Variants in PRDM2 observed in about 807,000 individuals in gnomAD.
PRDM2 encodes PR/SET domain 2.
Under a neutral mutation model 130.0 loss-of-function variants are expected in PRDM2, and 30 were observed. The observed-to-expected ratio is 0.23, with a 90% CI of 0.17 to 0.31. PRDM2 has a LOEUF of 0.31. PRDM2 is among the 10% of genes least tolerant of loss of function. The pLI, the probability that PRDM2 is intolerant of heterozygous loss-of-function variation, is 1.00. For synonymous variants in PRDM2, 871 were observed against 782.4 expected (o/e 1.11, Z -1.89); for missense variants, 2,011 against 2,108.4 (o/e 0.95, Z 0.90).
At position 13,823,211 on chromosome 1, in the gene PRDM2, G is replaced by A. The variant is rs1436006530; in HGVS notation, c.*76G>A. 5.0e-6 allele frequency: 8 copies of A among 1,612,060 alleles called. No individual in the cohort carries two copies. Among genetic ancestry groups the A allele is most frequent in the South Asian group, 2.2e-5 (2 of 90,932 alleles). ...GCCAAAGGGACTGGCAGTCTGCCCT[G>A]CAGGGAGTACCGACCTATCCCAGTT... On this transcript the variant is annotated 3_prime_UTR_variant, in exon 10 of 10. Transcript: ENST00000311066.
chr1:13,715,692 C>T (rs1642510622), intron 2 of PRDM2, 78 bp downstream of exon 2: 1 of 1,245,660 alleles, frequency 8.0e-7, no homozygotes, highest in African/African-American at 1.5e-5. Flanking sequence ...AAGATAGTAG[C>T]ACACACATTC....
At chr1:13,749,241 G>A in intron 5 of PRDM2, 120 bp from the exon 6 acceptor site, 1 of 962,470 alleles carries the variant, frequency 1.0e-6, no homozygotes, top group Non-Finnish European at 1.3e-6. Flanking sequence ...GGGTGCGCGC[G>A]GCGCCGCCGA....
intron 7 of PRDM2, chr1:13,773,747 T>C (rs1644408986): frequency 6.6e-6 from 1 of 152,040 alleles, no homozygotes; most frequent in Admixed American, 6.6e-5. Flanking sequence ...AAATGAAACA[T>C]ATGATTGCAT....
At chr1:13,812,387 T>C (rs1200301615) in intron 8 of PRDM2, among the ~76,000 whole-genome samples, 2 of 152,110 alleles carry the variant, frequency 1.3e-5, no homozygotes, top group Admixed American at 6.5e-5. Flanking sequence ...TGTGCCTGCT[T>C]CAAATGTGTG....
At position 13,740,197 on chromosome 1, in the gene PRDM2, G is replaced by T. The variant is rs185146720; in HGVS notation, c.232-1808G>T. ...GTATTGACCTGAGAGCCAGGAAGTT[G>T]TGGCACAACCTATATTTTTATCCTG... On this transcript the variant is annotated intron_variant, in intron 4 of 9. Coordinates refer to ENST00000311066, the MANE Select transcript of PRDM2 (RefSeq NM_001393986.1). Among the ~76,000 whole-genome samples the T allele has an allele frequency of 4.4e-3, 671 of 152,306 alleles. 7 individuals are homozygous for T. The highest frequency in any genetic ancestry group is 0.016 in the African/African-American group (647 of 41,558).
At chr1:13,743,687 G>C (rs1643519347) in intron 5 of PRDM2, among the ~76,000 whole-genome samples, 1 of 152,180 alleles carries the variant, frequency 6.6e-6, no homozygotes, top group African/African-American at 2.4e-5. Context: ...TTAGTGTAGT[G>C]GCAGTAGGCC....
chr1:13,784,259 T>C (rs913298672), intron 8 of PRDM2, among the ~76,000 whole-genome samples: 2 of 152,188 alleles, frequency 1.3e-5, no homozygotes, highest in African/African-American at 4.8e-5. Context: ...AGTAATTGAA[T>C]TGTGCACCTG....
Position 13,823,285 on chromosome 1 carries a change from G to A in PRDM2, c.*150G>A, listed in dbSNP as rs1645382918. ...AGTGCATGTGCGCGCGTGCATGTGTGCGTGCGTGTGTGTTCACGTGTTCTC... is the reference window on the plus strand; with the variant it reads ...AGTGCATGTGCGCGCGTGCATGTGTACGTGCGTGTGTGTTCACGTGTTCTC... On this transcript the variant is annotated 3_prime_UTR_variant, in exon 10 of 10. Coordinates refer to ENST00000311066, the MANE Select transcript of PRDM2 (RefSeq NM_001393986.1). 2 of 1,332,180 alleles carry A rather than the reference G, an allele frequency of 1.5e-6. No individual in the cohort carries two copies. The highest frequency in any genetic ancestry group is 2.1e-6 in the Non-Finnish European group (2 of 937,562). The allele number at this position is 1,332,180 out of a possible 1,614,324, so 82.5% of individuals were successfully genotyped here. A position where few individuals can be genotyped will look rare whatever the true frequency, so the allele number is the denominator to read the frequency against.
At chr1:13,795,094 C>G (rs981934033) in intron 8 of PRDM2, among the ~76,000 whole-genome samples, 9 of 152,172 alleles carry the variant, frequency 5.9e-5, no homozygotes, top group African/African-American at 2.2e-4. Context: ...CTCCCTGTAA[C>G]TTTCTATTTC....
intron 2 of PRDM2, among the ~76,000 whole-genome samples, chr1:13,721,037 T>C (rs760165864): frequency 6.6e-5 from 10 of 151,966 alleles, no homozygotes; most frequent in Non-Finnish European, 1.3e-4. Flanking sequence ...CTGCCCAAGG[T>C]CACTACTGAT....
chr1:13,768,348 G>T (rs2100613984), intron 6 of PRDM2, among the ~76,000 whole-genome samples: 1 of 151,806 alleles, frequency 6.6e-6, no homozygotes, highest in African/African-American at 2.4e-5. Flanking sequence ...CTCCCAAAGT[G>T]CTGGGATTAC....
rs530638379 is a variant in PRDM2, at chr1:13,823,271, G to A, written c.*136G>A. On this transcript the variant is annotated 3_prime_UTR_variant, in exon 10 of 10. Coordinates refer to ENST00000311066, the MANE Select transcript of PRDM2 (RefSeq NM_001393986.1). ...TGCGAGAGAAAGGGAGTGCATGTGC[G>A]CGCGTGCATGTGTGCGTGCGTGTGT... 4.0e-5 allele frequency: 58 copies of A among 1,440,372 alleles called. No individual in the cohort carries two copies. The highest frequency in any genetic ancestry group is 2.9e-4 in the African/African-American group (21 of 71,208). 89.2% of individuals were successfully genotyped at this position (1,440,372 alleles called of 1,614,324 possible).
At chr1:13,786,987 C>T in intron 8 of PRDM2, 1 of 986,962 alleles carries the variant, frequency 1.0e-6, no homozygotes, top group Non-Finnish European at 1.2e-6. Flanking sequence ...GCTCTTGATG[C>T]CTTTCTTTTA....
intron 8 of PRDM2, among the ~76,000 whole-genome samples, chr1:13,805,492 C>T (rs916716705): frequency 6.6e-6 from 1 of 151,974 alleles, no homozygotes; most frequent in South Asian, 2.1e-4. Flanking sequence ...CAGTGGATGT[C>T]GACTGTTCCT....
At chr1:13,788,658 G>A (rs1644790064) in intron 8 of PRDM2, among the ~76,000 whole-genome samples, 1 of 152,208 alleles carries the variant, frequency 6.6e-6, no homozygotes, top group Non-Finnish European at 1.5e-5. Flanking sequence ...ACGGAGGAGA[G>A]AGGTTGGTGG....
At chr1:13,739,110 G>A (rs1489516641) in intron 4 of PRDM2, among the ~76,000 whole-genome samples, 1 of 150,792 alleles carries the variant, frequency 6.6e-6, no homozygotes, top group Non-Finnish European at 1.5e-5. Context: ...GCAGTGACGC[G>A]ATCTTGGCTC....
chr1:13,707,699 A>G (rs1642250591), intron 1 of PRDM2, among the ~76,000 whole-genome samples: 1 of 152,198 alleles, frequency 6.6e-6, no homozygotes, highest in South Asian at 2.1e-4. Context: ...ACCTGCCCCC[A>G]GATTTTTACA....
intron 8 of PRDM2, among the ~76,000 whole-genome samples, chr1:13,813,392 G>A (rs1645205810): frequency 6.6e-6 from 1 of 152,172 alleles, no homozygotes; most frequent in South Asian, 2.1e-4. Context: ...TGACAGTGAA[G>A]CACTTCTTGA....
At chr1:13,720,644 A>G (rs1308481461) in intron 2 of PRDM2, among the ~76,000 whole-genome samples, 1 of 152,206 alleles carries the variant, frequency 6.6e-6, no homozygotes, top group Non-Finnish European at 1.5e-5. Context: ...ATAGTAACTT[A>G]CCGTGTTTCA....
Sources: allele counts gnomAD v4.1 joint callset (sites outside exome capture counted in the v4.1 genomes callset), GRCh38; gene constraint gnomAD v4.1.1; transcripts MANE v1.5; gene names NCBI Gene and HGNC (gene_info 2026-07-23, HGNC 2026-07-21).